FLYWCH1: variants seen among roughly 807,000 people sequenced by gnomAD.
FLYWCH1 encodes the protein FLYWCH-type zinc finger 1.
FLYWCH1 carries 75 observed loss-of-function variants against 66.4 expected under a neutral mutation model. The ratio of observed to expected loss-of-function variants is 1.13; its 90% CI spans 0.94 to 1.37. The LOEUF is 1.37. Ranked by LOEUF, FLYWCH1 falls within the 40% of genes most tolerant of loss-of-function variation. The pLI is 0.00. For synonymous variants in FLYWCH1, 595 were observed against 429.9 expected (o/e 1.38, Z -4.75); for missense variants, 1,334 against 1,001.8 (o/e 1.33, Z -4.48).
At chr16:2,923,707 G>C (rs2070457728) in intron 2 of FLYWCH1, among the ~76,000 whole-genome samples, 1 of 152,120 alleles carries the variant, frequency 6.6e-6, no homozygotes, top group Admixed American at 6.5e-5. Context: ...TTTTATGTCA[G>C]ATATTTCATA....
At chr16:2,939,220 C>T (rs930043745) in intron 8 of FLYWCH1, among the ~76,000 whole-genome samples, 20 of 152,172 alleles carry the variant, frequency 1.3e-4, no homozygotes, top group African/African-American at 3.4e-4. Context: ...CTGAGGCAGG[C>T]GGATCACCTG....
intron 6 of FLYWCH1, chr16:2,935,174 CG>C (rs2070946753): frequency 6.5e-6 from 1 of 152,708 alleles, no homozygotes; most frequent in Non-Finnish European, 1.5e-5. Flanking sequence ...CTGCCTGCCT[CG>C]GCCTCCCAAA....
In FLYWCH1 at chr16:2,933,820, T is replaced by C. The variant is rs565335850; in HGVS notation, c.1354T>C (p.Cys452Arg). Residue 452 changes from cysteine (C) to arginine (R), a missense_variant, in exon 6 of 10, where the codon TGC becomes CGC. Cys to Arg is a radical substitution (Grantham distance 180). Transcript: ENST00000253928. ...GGCTGGGGAGAAGGTGTATTGGACCTGCCGGGACCAGGCCCGCATGGGCTG... is the reference window on the plus strand; with the variant it reads ...GGCTGGGGAGAAGGTGTATTGGACCCGCCGGGACCAGGCCCGCATGGGCTG... ...KAAGEKVYWT[C>R]RDQARMGCRS... 44 of 1,609,028 alleles carry C rather than the reference T, an allele frequency of 2.7e-5. 1 individual carries two copies. The Admixed American group carries it at 4.2e-4, about 15-fold the overall frequency.
intron 9 of FLYWCH1, among the ~76,000 whole-genome samples, chr16:2,946,874 C>A (rs1203691870): frequency 6.6e-6 from 1 of 152,086 alleles, no homozygotes; most frequent in Non-Finnish European, 1.5e-5. Context: ...CATGGAGAAA[C>A]TGGAACCCTC....
chr16:2,930,738 G>T lies in FLYWCH1; in HGVS notation c.654G>T (p.Gly218=), dbSNP rs1394647149. 6.4e-7 allele frequency: 1 copy of T among 1,555,684 alleles called. No homozygotes were observed. The highest frequency in any genetic ancestry group is 2.4e-5 in the East Asian group (1 of 41,748). Residue 218 remains glycine, a synonymous_variant, in exon 4 of 10, where the codon GGG becomes GGT. Coordinates refer to ENST00000253928, the MANE Select transcript of FLYWCH1 (RefSeq NM_001308068.2). ...GCCGAGTGGAGGAGCCCCTGGAGGGGGTGGGCCCGTGGCAGTGCCCTGAGG... is the reference window on the plus strand; with the variant it reads ...GCCGAGTGGAGGAGCCCCTGGAGGGTGTGGGCCCGTGGCAGTGCCCTGAGG... ...PGGRVEEPLE[G]VGPWQCPEEP...
chr16:2,945,538 C>G (rs768001245), intron 9 of FLYWCH1, among the ~76,000 whole-genome samples: 1 of 148,726 alleles, frequency 6.7e-6, no homozygotes, highest in Admixed American at 6.7e-5. Flanking sequence ...CACCTGTAAT[C>G]CCAGCTACTT....
At chr16:2,925,520 C>G (rs2070528381) in intron 2 of FLYWCH1, among the ~76,000 whole-genome samples, 1 of 129,492 alleles carries the variant, frequency 7.7e-6, no homozygotes, top group Admixed American at 9.8e-5. Context: ...GGCGGGCTGC[C>G]GGTAGAAGGA....
At position 2,937,247 on chromosome 16, in the gene FLYWCH1, G is replaced by A. The variant is rs951715164; in HGVS notation, c.1640G>A (p.Gly547Asp). 1.2e-6 allele frequency: 2 copies of A among 1,605,984 alleles called. No homozygotes were observed. The highest frequency in any genetic ancestry group is 4.5e-5 in the East Asian group (2 of 44,586). The change falls in exon 7 of 10, where the codon GGC becomes GAC. Residue 547 changes from glycine to aspartate, a missense_variant. Gly to Asp is a moderately conservative substitution (Grantham distance 94). Transcript: ENST00000253928. The stretch of plus-strand genomic sequence containing the variant: ...ACCTGCCGGGACCAGGCCCGCATGG[G>A]CTGCCGCAGCCGCGCCATCACCCAG... Reference protein sequence around the residue: ...YWTCRDQARMGCRSRAITQGR... With the variant: ...YWTCRDQARMDCRSRAITQGR...
chr16:2,929,202 A>G (rs1477803654), intron 2 of FLYWCH1, among the ~76,000 whole-genome samples: 7 of 152,192 alleles, frequency 4.6e-5, no homozygotes, highest in Non-Finnish European at 1.0e-4. Context: ...CCTCAAGTGT[A>G]TCACAGGTGT....
chr16:2,914,308 C>G lies in FLYWCH1; in HGVS notation c.-74+19C>G, dbSNP rs2070094148. On this transcript the variant is annotated intron_variant, in intron 2 of 9. Coordinates refer to ENST00000253928, the MANE Select transcript of FLYWCH1 (RefSeq NM_001308068.2). ...TGTGAAGGTAATTCTGTGGCTCCAT[C>G]AGCTGCCGACAGAGCCGCCTGGTTT... 1 of 152,236 alleles carries G rather than the reference C, an allele frequency of 6.6e-6. No individual in the cohort carries two copies. Among genetic ancestry groups the G allele is most frequent in the Admixed American group, 6.5e-5 (1 of 15,278 alleles). 9.4% of individuals were successfully genotyped at this position (152,236 alleles called of 1,614,324 possible). A position where few individuals can be genotyped will look rare whatever the true frequency, so the allele number is the denominator to read the frequency against.
intron 4 of FLYWCH1, 25 bp downstream of exon 4, chr16:2,930,905 G>A (rs1418402201): frequency 1.9e-6 from 3 of 1,541,108 alleles, no homozygotes; most frequent in Non-Finnish European, 2.6e-6. Flanking sequence ...CTCCCCTGCT[G>A]CGTCCACTCG....
At chr16:2,941,204 A>G (rs1228798471) in intron 9 of FLYWCH1, among the ~76,000 whole-genome samples, 3 of 151,388 alleles carry the variant, frequency 2.0e-5, no homozygotes, top group African/African-American at 7.3e-5. Flanking sequence ...TGTAATCTCA[A>G]CACTCTGGGA....
intron 2 of FLYWCH1, among the ~76,000 whole-genome samples, chr16:2,916,493 CA>C (rs1247612955): frequency 6.6e-6 from 1 of 151,708 alleles, no homozygotes; most frequent in Non-Finnish European, 1.5e-5. Flanking sequence ...AAAAATTATC[CA>C]GGCCTGGTGG....
chr16:2,940,122 G>A (rs2071200723), intron 9 of FLYWCH1, 30 bp downstream of exon 9: 1 of 1,014,334 alleles, frequency 9.9e-7, no homozygotes, highest in Admixed American at 1.8e-5. Context: ...AATGGTGCAT[G>A]ACCAATTACA....
chr16:2,933,725 A>T lies in FLYWCH1; in HGVS notation c.1259A>T (p.Glu420Val). The stretch of plus-strand genomic sequence containing the variant: ...TCTTGAACCTCCCCAGGAGGCCCTG[A>T]GTTCCTGAAGACGCCCCTGGGGGGC... ...QDMDADPGGP[E>V]FLKTPLGGSF... Residue 420 changes from glutamate to valine, a missense_variant, in exon 6 of 10, where the codon GAG becomes GTG. Physicochemically the swap from Glu to Val is moderately radical, Grantham distance 121. Coordinates refer to ENST00000253928, the MANE Select transcript of FLYWCH1 (RefSeq NM_001308068.2). 6.2e-7 allele frequency: 1 copy of T among 1,612,594 alleles called. No homozygotes were observed. Among genetic ancestry groups the T allele is most frequent in the Non-Finnish European group, 8.5e-7 (1 of 1,179,310 alleles).
chr16:2,940,225 T>C (rs1173861709), intron 9 of FLYWCH1, 133 bp downstream of exon 9: 3 of 597,790 alleles, frequency 5.0e-6, no homozygotes, highest in East Asian at 3.0e-5. Context: ...TGGTTCTGAC[T>C]CCTGAGGTTG....
At chr16:2,914,647 C>T (rs927760745) in intron 2 of FLYWCH1, among the ~76,000 whole-genome samples, 7 of 152,014 alleles carry the variant, frequency 4.6e-5, no homozygotes, top group Non-Finnish European at 8.8e-5. Context: ...GTCTGTAATC[C>T]CAGCACTTTG....
intron 2 of FLYWCH1, among the ~76,000 whole-genome samples, chr16:2,921,934 G>A (rs776216143): frequency 2.3e-4 from 35 of 152,002 alleles, no homozygotes; most frequent in Admixed American, 1.3e-4. Flanking sequence ...GTGGTGGCGC[G>A]CGCCTGTAGT....
chr16:2,920,509 C>G (rs1179532639), intron 2 of FLYWCH1, among the ~76,000 whole-genome samples: 3 of 122,092 alleles, frequency 2.5e-5, no homozygotes, highest in Non-Finnish European at 5.3e-5. Context: ...GAGACTCTGT[C>G]TTAAAAAAAA....
Sources: allele counts gnomAD v4.1 joint callset (sites outside exome capture counted in the v4.1 genomes callset), GRCh38; gene constraint gnomAD v4.1.1; transcripts MANE v1.5; gene names NCBI Gene and HGNC (gene_info 2026-07-23, HGNC 2026-07-21).